UNC13C: variants seen among roughly 807,000 people sequenced by gnomAD.
UNC13C encodes the protein unc-13 homolog C.
UNC13C carries 174 observed loss-of-function variants against 245.4 expected under a neutral mutation model. The observed-to-expected ratio is 0.71, with a 90% CI of 0.63 to 0.80. UNC13C has a LOEUF of 0.80. Among genes scored for constraint, UNC13C ranks in the 30% least tolerant of loss-of-function variants. UNC13C has a pLI of 0.00. For synonymous variants in UNC13C, 992 were observed against 895.1 expected, an observed-to-expected ratio of 1.11 and a Z score of -1.93; for missense variants, 2,829 against 2,602.9, an observed-to-expected ratio of 1.09 and a Z score of -1.89.
intron 19 of UNC13C, among the ~76,000 whole-genome samples, chr15:54,417,673 C>T (rs931274564): frequency 2.0e-5 from 3 of 152,012 alleles, no homozygotes; most frequent in Non-Finnish European, 4.4e-5. Context: ...TTACTAGTGA[C>T]ATTTTCAATT....
At chr15:54,480,049 T>C (rs916378001) in intron 19 of UNC13C, among the ~76,000 whole-genome samples, 4 of 152,168 alleles carry the variant, frequency 2.6e-5, no homozygotes, top group Non-Finnish European at 5.9e-5. Flanking sequence ...GTTGGTTTGA[T>C]GGAGACTCCC....
chr15:54,392,928 C>T (rs1033381759), intron 17 of UNC13C, 120 bp from the exon 18 acceptor site: 1 of 1,213,036 alleles, frequency 8.2e-7, no homozygotes, highest in Non-Finnish European at 1.1e-6. Flanking sequence ...GCTTTGACTC[C>T]CATAATCTAA....
At chr15:54,178,583 T>C (rs537482526) in intron 4 of UNC13C, among the ~76,000 whole-genome samples, 96 of 152,256 alleles carry the variant, frequency 6.3e-4, no homozygotes, top group African/African-American at 2.3e-3. Context: ...GGATAAGCCT[T>C]TCCAAGGTGC....
chr15:54,220,107 A>G (rs2140779209), intron 4 of UNC13C, among the ~76,000 whole-genome samples: 1 of 150,052 alleles, frequency 6.7e-6, no homozygotes, highest in South Asian at 2.1e-4. Flanking sequence ...TATATACCCA[A>G]AGGACTATAA....
chr15:53,982,536 G>A (rs575777822), intron 1 of UNC13C, among the ~76,000 whole-genome samples: 9 of 152,090 alleles, frequency 5.9e-5, no homozygotes, highest in Non-Finnish European at 1.0e-4. Context: ...AAGAAGGGTT[G>A]TATTTTGAAT....
chr15:53,847,125 C>T, the UNC13C span, among the ~76,000 whole-genome samples: 69,852 of 151,890 alleles, frequency 0.46, 16,375 homozygotes, highest in Middle Eastern at 0.58. Context: ...CTAGACCCTA[C>T]ATAAAAACAA....
chr15:53,897,239 A>G, the UNC13C span, among the ~76,000 whole-genome samples: 19 of 152,314 alleles, frequency 1.2e-4, no homozygotes, highest in Middle Eastern at 3.4e-3. Context: ...CACAGAGGAG[A>G]CAATCAAGCT....
chr15:54,108,183 C>T (rs1462554078), intron 2 of UNC13C, among the ~76,000 whole-genome samples: 2 of 95,960 alleles, frequency 2.1e-5, no homozygotes, highest in South Asian at 8.0e-4. Context: ...ATGTAGTTTG[C>T]TAAATAATAC....
intron 10 of UNC13C, among the ~76,000 whole-genome samples, chr15:54,269,066 TA>T (rs372549384): frequency 0.025 from 3,726 of 151,322 alleles, 151 homozygotes; most frequent in African/African-American, 0.086. Flanking sequence ...TTTATTTTAT[TA>T]TTATTATACT....
At chr15:54,183,665 T>G (rs1386232310) in intron 4 of UNC13C, among the ~76,000 whole-genome samples, 6 of 151,616 alleles carry the variant, frequency 4.0e-5, no homozygotes, top group Non-Finnish European at 2.9e-5. Context: ...TTGGAGAATA[T>G]GAGTGATGGA....
intron 4 of UNC13C, among the ~76,000 whole-genome samples, chr15:54,208,353 A>T (rs987256729): frequency 6.6e-6 from 1 of 152,124 alleles, no homozygotes; most frequent in African/African-American, 2.4e-5. Flanking sequence ...GCCAAACCAT[A>T]GCATGATTCA....
chr15:54,271,058 A>T (rs1435524252), intron 10 of UNC13C, among the ~76,000 whole-genome samples: 2 of 152,186 alleles, frequency 1.3e-5, no homozygotes, highest in African/African-American at 4.8e-5. Flanking sequence ...AAATAATTTC[A>T]ATTTTAATTT....
intron 30 of UNC13C, among the ~76,000 whole-genome samples, chr15:54,571,912 A>G (rs549289919): frequency 4.6e-5 from 7 of 152,366 alleles, no homozygotes; most frequent in African/African-American, 7.2e-5. Context: ...GAGTTTCCCT[A>G]TGAGATGGGA....
the UNC13C span, among the ~76,000 whole-genome samples, chr15:53,921,725 A>G: frequency 6.6e-6 from 1 of 152,206 alleles, no homozygotes; most frequent in Non-Finnish European, 1.5e-5. Flanking sequence ...TTGGGTCCAT[A>G]TAGATGCTCA....
At chr15:54,383,068 A>G (rs936694233) in intron 17 of UNC13C, among the ~76,000 whole-genome samples, 8 of 152,184 alleles carry the variant, frequency 5.3e-5, no homozygotes, top group Non-Finnish European at 1.2e-4. Flanking sequence ...TCTATGAACA[A>G]ATAAAAGCTC....
chr15:54,613,107 T>C (rs939535674), intron 30 of UNC13C, among the ~76,000 whole-genome samples: 11 of 151,862 alleles, frequency 7.2e-5, no homozygotes, highest in African/African-American at 1.7e-4. Context: ...AAAGCATAAA[T>C]AGATCTATAT....
At chr15:54,445,341 T>C (rs1214230728) in intron 19 of UNC13C, among the ~76,000 whole-genome samples, 4 of 152,320 alleles carry the variant, frequency 2.6e-5, no homozygotes, top group Non-Finnish European at 4.4e-5. Context: ...AGTAATGGGA[T>C]GGCTGAGTCA....
chr15:54,132,074 C>CTTTTTTTCT lies in UNC13C; in HGVS notation c.2984-10937_2984-10936insCTTTTTTTT, dbSNP rs533044534. ...ATTGCAATTCAGTTTTTTTCTTTTT[C>CTTTTTTTCT]TTTTTTTTTTTTGACAGCGTCTTGC... On this transcript the variant is annotated intron_variant, in intron 2 of 32. Coordinates refer to ENST00000260323, the MANE Select transcript of UNC13C (RefSeq NM_001080534.3). Among the ~76,000 whole-genome samples the CTTTTTTTCT allele has an allele frequency of 5.0e-4, 55 of 110,646 alleles. 4 individuals carry two copies. Among genetic ancestry groups the CTTTTTTTCT allele is most frequent in the South Asian group, 8.1e-4 (3 of 3,696 alleles). 72.6% of individuals were successfully genotyped at this position (110,646 alleles called of 152,430 possible).
intron 2 of UNC13C, among the ~76,000 whole-genome samples, chr15:54,082,258 A>G (rs1595825413): frequency 2.0e-5 from 3 of 152,162 alleles, no homozygotes; most frequent in African/African-American, 7.2e-5. Flanking sequence ...GGTGATGGTC[A>G]TCTTGTATAG....
Sources: allele counts gnomAD v4.1 joint callset (sites outside exome capture counted in the v4.1 genomes callset), GRCh38; gene constraint gnomAD v4.1.1; transcripts MANE v1.5; gene names NCBI Gene and HGNC (gene_info 2026-07-23, HGNC 2026-07-21).